Variants in FAM107B observed in about 807,000 individuals in gnomAD.
FAM107B encodes the protein protein FAM107B.
FAM107B carries 21 observed loss-of-function variants against 31.5 expected under a neutral mutation model. That is an observed-to-expected ratio of 0.67 (90% CI 0.47 to 0.96). The LOEUF (loss-of-function observed/expected upper bound fraction) is 0.96. Among genes scored for constraint, FAM107B ranks in the 40% least tolerant of loss-of-function variants. The pLI, the probability that FAM107B is intolerant of heterozygous loss-of-function variation, is 0.00. For missense variants in FAM107B, 452 were observed against 377.1 expected (o/e 1.20, Z -1.64); for synonymous variants, 157 against 141.5 (o/e 1.11, Z -0.78).
chr10:14,662,164 C>T (rs1450283607), intron 2 of FAM107B, among the ~76,000 whole-genome samples: 1 of 152,128 alleles, frequency 6.6e-6, no homozygotes, highest in African/African-American at 2.4e-5. Flanking sequence ...GAAGGGATTG[C>T]AACGCATCTT....
intron 2 of FAM107B, among the ~76,000 whole-genome samples, chr10:14,602,053 G>T (rs916287575): frequency 6.6e-6 from 1 of 152,214 alleles, no homozygotes; most frequent in South Asian, 2.1e-4. Flanking sequence ...GTCCCCTGGG[G>T]TAGGAGATTG....
intron 3 of FAM107B, chr10:14,530,028 C>T: frequency 3.8e-6 from 1 of 261,958 alleles, no homozygotes; most frequent in Non-Finnish European, 7.7e-6. Flanking sequence ...CTACTTAGGA[C>T]ATTCTCTTCT....
chr10:14,521,857 A>C lies in FAM107B; in HGVS notation c.804+12T>G. On this transcript the variant is annotated intron_variant, in intron 4 of 4. Coordinates refer to ENST00000181796, the MANE Select transcript of FAM107B (RefSeq NM_031453.4). ...AAACAAAAAAAGACAGCTTCCAGCC[A>C]ATCCCCCTTACCTGCTCCAACTTCT... 1 of 1,608,318 alleles carries C rather than the reference A, an allele frequency of 6.2e-7. No homozygotes were observed. Among genetic ancestry groups the C allele is most frequent in the Non-Finnish European group, 8.5e-7 (1 of 1,178,548 alleles).
intron 2 of FAM107B, among the ~76,000 whole-genome samples, chr10:14,531,985 G>A (rs1197187303): frequency 2.0e-5 from 3 of 152,184 alleles, no homozygotes; most frequent in African/African-American, 4.8e-5. Flanking sequence ...ATCTAACTGC[G>A]ATTTCTCTAA....
At chr10:14,604,930 ACCC>A (rs1852550500) in intron 2 of FAM107B, among the ~76,000 whole-genome samples, 1 of 148,060 alleles carries the variant, frequency 6.8e-6, no homozygotes, top group African/African-American at 2.5e-5. Flanking sequence ...CTCTGTGCTC[ACCC>A]CCATCTCTCT....
chr10:14,766,459 C>T (rs1370300600), intron 1 of FAM107B, among the ~76,000 whole-genome samples: 1 of 152,102 alleles, frequency 6.6e-6, no homozygotes. Flanking sequence ...TTAGTAGCCT[C>T]ACGGAGTTCC....
chr10:14,552,105 C>T (rs1466121168), intron 2 of FAM107B, among the ~76,000 whole-genome samples: 2 of 152,144 alleles, frequency 1.3e-5, no homozygotes, highest in South Asian at 2.1e-4. Flanking sequence ...TTGAAAAGGA[C>T]GGTCTGTGTG....
intron 2 of FAM107B, among the ~76,000 whole-genome samples, chr10:14,574,999 T>C (rs1451182944): frequency 3.3e-5 from 5 of 152,186 alleles, no homozygotes; most frequent in African/African-American, 4.8e-5. Context: ...CAGTCTTTCA[T>C]ACTGACCTTT....
At position 14,521,161 on chromosome 10, in the gene FAM107B, G is replaced by A. The variant is rs1431001232; in HGVS notation, c.*29C>T. 6.4e-7 allele frequency: 1 copy of A among 1,564,702 alleles called. No homozygotes were observed. Among genetic ancestry groups the A allele is most frequent in the Non-Finnish European group, 8.8e-7 (1 of 1,136,398 alleles). On this transcript the variant is annotated 3_prime_UTR_variant, in exon 5 of 5. Transcript: ENST00000181796. Reference sequence around the variant, plus strand: ...GCACCCACAGACAGCTCTGTGGGGTGACACACGAGGTCTTGGTGCAGCCTC... The same window carrying A: ...GCACCCACAGACAGCTCTGTGGGGTAACACACGAGGTCTTGGTGCAGCCTC...
At chr10:14,595,507 C>A (rs1460901569) in intron 2 of FAM107B, among the ~76,000 whole-genome samples, 2 of 146,878 alleles carry the variant, frequency 1.4e-5, no homozygotes, top group Admixed American at 1.4e-4. Flanking sequence ...CTCACTGCAA[C>A]CTCCGCCTCC....
intron 2 of FAM107B, chr10:14,663,532 T>C (rs2131467686): frequency 6.6e-6 from 1 of 152,314 alleles, no homozygotes; most frequent in South Asian, 2.1e-4. Context: ...GCCCAGCACT[T>C]CTCTTGCTGA....
At position 14,727,484 on chromosome 10, in the gene FAM107B, A is replaced by G. The variant is rs143956494; in HGVS notation, c.411+46769T>C. Among the ~76,000 whole-genome samples, 524 of 152,342 alleles carry G rather than the reference A, an allele frequency of 3.4e-3. 12 individuals carry two copies. The East Asian group carries it at 0.045, about 13-fold the overall frequency. ...GGGGCATCTTCTAGAGCCAAGGAAGAGGATAGCCTGGAAATCCACAGGCTG... is the reference window on the plus strand; with the variant it reads ...GGGGCATCTTCTAGAGCCAAGGAAGGGGATAGCCTGGAAATCCACAGGCTG... On this transcript the variant is annotated intron_variant, in intron 1 of 4. Transcript: ENST00000181796.
At chr10:14,754,652 C>A (rs942533729) in intron 1 of FAM107B, among the ~76,000 whole-genome samples, 1 of 152,142 alleles carries the variant, frequency 6.6e-6, no homozygotes. Context: ...AGCTGGTCTT[C>A]GGTGCCATCT....
intron 2 of FAM107B, among the ~76,000 whole-genome samples, chr10:14,631,095 CAAAAACCTTTCTATTGGGATA>C (rs1054256194): frequency 1.3e-5 from 2 of 152,116 alleles, no homozygotes; most frequent in Admixed American, 6.5e-5. Flanking sequence ...CTGATCATTA[CAAAAACCTTTCTATTGGGATA>C]AACAGACACT....
intron 1 of FAM107B, among the ~76,000 whole-genome samples, chr10:14,732,152 A>C (rs1856189248): frequency 6.6e-6 from 1 of 152,150 alleles, no homozygotes; most frequent in Non-Finnish European, 1.5e-5. Context: ...ACTACTCTCT[A>C]TACCACCTCA....
chr10:14,768,312 G>A (rs1003531927), intron 1 of FAM107B, among the ~76,000 whole-genome samples: 2 of 152,128 alleles, frequency 1.3e-5, no homozygotes, highest in African/African-American at 4.8e-5. Context: ...AATTTATAGA[G>A]AATCTCAAGA....
At chr10:14,590,609 T>C (rs1752959472) in intron 2 of FAM107B, among the ~76,000 whole-genome samples, 1 of 152,182 alleles carries the variant, frequency 6.6e-6, no homozygotes, top group Admixed American at 6.5e-5. Flanking sequence ...GAACTCTCAA[T>C]TTCTTCCTAA....
chr10:14,719,168 T>C (rs994304731), intron 1 of FAM107B, among the ~76,000 whole-genome samples: 6 of 152,128 alleles, frequency 3.9e-5, no homozygotes, highest in African/African-American at 1.4e-4. Flanking sequence ...GATCCGAGGC[T>C]CACTGATTTT....
At chr10:14,718,060 C>G (rs10796218) in intron 1 of FAM107B, among the ~76,000 whole-genome samples, 22,314 of 152,170 alleles carry the variant, frequency 0.15, 2,071 homozygotes, top group Admixed American at 0.21. Context: ...GGCATGGTGG[C>G]TCACGCCTGT....
Sources: gnomAD v4.1 joint callset for allele counts (sites outside exome capture counted in the v4.1 genomes callset) on GRCh38, gnomAD v4.1.1 for gene constraint, MANE v1.5 for transcripts, NCBI Gene and HGNC (gene_info 2026-07-23, HGNC 2026-07-21) for gene names.